PARP15: variants seen among roughly 807,000 people sequenced by gnomAD.
PARP15 encodes the protein poly(ADP-ribose) polymerase family member 15.
PARP15 carries 50 observed loss-of-function variants against 62.1 expected under a neutral mutation model. The ratio of observed to expected loss-of-function variants is 0.81; its 90% CI spans 0.64 to 1.02. The LOEUF (loss-of-function observed/expected upper bound fraction) is 1.02, where lower values mean the gene tolerates loss of function less well. PARP15 is among the 50% of genes least tolerant of loss of function. The probability of loss-of-function intolerance (pLI) is 0.00; values close to 1 mark genes in which losing one functional copy is unlikely to be tolerated. For synonymous variants in PARP15, 309 were observed against 293.1 expected, an observed-to-expected ratio of 1.05 and a Z score of -0.55; for missense variants, 820 against 826.5, an observed-to-expected ratio of 0.99 and a Z score of 0.10.
chr3:122,587,636 C>T (rs1290678538), intron 1 of PARP15, among the ~76,000 whole-genome samples: 1 of 152,154 alleles, frequency 6.6e-6, no homozygotes, highest in East Asian at 1.9e-4. Context: ...TCAAGTGATC[C>T]TTCCACCTCA....
In PARP15 at chr3:122,580,222, CT is replaced by C. The variant is rs1443159126; in HGVS notation, c.186+2371del. Among the ~76,000 whole-genome samples, 4 of 151,446 alleles carry C rather than the reference CT, an allele frequency of 2.6e-5. No individual in the cohort carries two copies. The East Asian group carries it at 7.7e-4, about 29-fold the overall frequency. On this transcript the variant is annotated intron_variant, in intron 1 of 11. Transcript: ENST00000464300. ...CATGTCCTTACTGATTTTATGTCTA[CT>C]TGTTCTATCAATTATTTAGAGAGGA... is the stretch of plus-strand genomic sequence containing the variant.
At position 122,610,634 on chromosome 3, in the gene PARP15, T is replaced by C. The variant is rs1198703050; in HGVS notation, c.447T>C (p.Gly149=). Residue 149 remains glycine (G), a synonymous_variant, in exon 3 of 12, where the codon GGT becomes GGC. Transcript: ENST00000464300. ...GGCGGGAAACAGAGGAAAAAGTAGG[T>C]AACATATTCATGACAAGCGGCTGCA... The part of the protein sequence containing the change: ...DRRRETEEKV[G]NIFMTSGCNL... The C allele has an allele frequency of 2.6e-6, 4 of 1,551,550 alleles. No homozygotes were observed. The East Asian group carries it at 7.3e-5, about 28-fold the overall frequency.
intron 1 of PARP15, among the ~76,000 whole-genome samples, chr3:122,601,170 C>T (rs1477485598): frequency 6.6e-6 from 1 of 150,684 alleles, no homozygotes; most frequent in Admixed American, 6.6e-5. Context: ...ACTACAGGTG[C>T]TTGCCACCAC....
chr3:122,613,008 C>T, intron 3 of PARP15, 33 bp from the exon 4 acceptor site: 4 of 1,521,340 alleles, frequency 2.6e-6, no homozygotes, highest in Non-Finnish European at 3.6e-6. Flanking sequence ...AGCTTAAGCC[C>T]TAACTTATGT....
At chr3:122,604,960 C>T (rs996451680) in intron 1 of PARP15, among the ~76,000 whole-genome samples, 3 of 152,182 alleles carry the variant, frequency 2.0e-5, no homozygotes, top group Admixed American at 6.5e-5. Flanking sequence ...CACTTGAATC[C>T]GGGAGGCAGA....
At chr3:122,584,555 A>G (rs1489415662) in intron 1 of PARP15, among the ~76,000 whole-genome samples, 2 of 147,398 alleles carry the variant, frequency 1.4e-5, no homozygotes, top group African/African-American at 5.0e-5. Context: ...TGTTAAGGAA[A>G]TATTCATCCA....
chr3:122,629,522 T>C (rs1475072578), intron 9 of PARP15, among the ~76,000 whole-genome samples: 1 of 152,154 alleles, frequency 6.6e-6, no homozygotes, highest in Non-Finnish European at 1.5e-5. Flanking sequence ...TTTAAAACAG[T>C]GGTCCCCAAA....
intron 8 of PARP15, among the ~76,000 whole-genome samples, chr3:122,622,816 T>TC (rs1936433915): frequency 6.6e-6 from 1 of 152,202 alleles, no homozygotes; most frequent in Admixed American, 6.5e-5. Context: ...CCCCTGTCAC[T>TC]CTCATGGAAG....
intron 2 of PARP15, among the ~76,000 whole-genome samples, chr3:122,607,708 T>C (rs1935249435): frequency 6.6e-6 from 1 of 152,222 alleles, no homozygotes; most frequent in Non-Finnish European, 1.5e-5. Context: ...TCGTGTCAAC[T>C]CATATTGGGG....
rs528733411 is a variant in PARP15, at chr3:122,637,480, C to T, written c.*1380C>T. Reference sequence around the variant, plus strand: ...GTAGCCTTTCAGATCCATCCCTTCCCTCCAGTATATTAGAGTTACGTAAAT... The same window carrying T: ...GTAGCCTTTCAGATCCATCCCTTCCTTCCAGTATATTAGAGTTACGTAAAT... On this transcript the variant is annotated 3_prime_UTR_variant, in exon 12 of 12. Coordinates refer to ENST00000464300, the MANE Select transcript of PARP15 (RefSeq NM_001113523.3). The T allele has an allele frequency of 8.5e-5, 13 of 152,270 alleles. No homozygotes were observed. Among genetic ancestry groups the T allele is most frequent in the African/African-American group, 2.6e-4 (11 of 41,542 alleles). 9.4% of individuals were successfully genotyped at this position (152,270 alleles called of 1,614,324 possible).
chr3:122,634,654 G>T (rs900748119), intron 10 of PARP15, among the ~76,000 whole-genome samples: 11 of 152,204 alleles, frequency 7.2e-5, no homozygotes, highest in African/African-American at 2.4e-4. Flanking sequence ...TTAAGGACAT[G>T]GCTATTGAAT....
Position 122,613,190 on chromosome 3 carries a change from T to C in PARP15, c.693T>C (p.Ser231=). The part of the protein sequence containing the change: ...KLILSEVFEY[S]SSTRPITSPL... ...TCCTTTCAGAAGTGTTCGAATACAG[T>C]AGCAGCACAAGGCCGATAACTAGCC... The change falls in exon 4 of 12, where the codon AGT becomes AGC. Residue 231 remains serine, a synonymous_variant. Transcript: ENST00000464300. The C allele has an allele frequency of 1.3e-6, 2 of 1,551,804 alleles. No individual in the cohort carries two copies. The highest frequency in any genetic ancestry group is 1.7e-6 in the Non-Finnish European group (2 of 1,146,954).
intron 1 of PARP15, among the ~76,000 whole-genome samples, chr3:122,578,063 T>A (rs2080721398): frequency 6.6e-6 from 1 of 151,552 alleles, no homozygotes; most frequent in Non-Finnish European, 1.5e-5. Context: ...TTTTTTTTTT[T>A]TTCCCTTAAA....
chr3:122,593,841 GA>G (rs796126867), intron 1 of PARP15, among the ~76,000 whole-genome samples: 181 of 148,156 alleles, frequency 1.2e-3, no homozygotes, highest in Admixed American at 2.8e-3. Flanking sequence ...AATCCTATAA[GA>G]AAAAAAAAAG....
intron 9 of PARP15, among the ~76,000 whole-genome samples, chr3:122,630,178 A>C (rs56768990): frequency 0.011 from 1,637 of 152,308 alleles, 22 homozygotes; most frequent in African/African-American, 0.037. Flanking sequence ...CTGCAAGTCA[A>C]CAGTGCTCCT....
At chr3:122,604,528 G>T (rs896596311) in intron 1 of PARP15, among the ~76,000 whole-genome samples, 1 of 152,206 alleles carries the variant, frequency 6.6e-6, no homozygotes, top group Non-Finnish European at 1.5e-5. Flanking sequence ...GACCAGCCTG[G>T]TCAACTTGGT....
intron 4 of PARP15, chr3:122,615,335 T>C: frequency 3.1e-6 from 4 of 1,291,526 alleles, no homozygotes; most frequent in Non-Finnish European, 4.0e-6. Flanking sequence ...GTATTTGTTG[T>C]TAATCAACCC....
chr3:122,583,393 C>T (rs11718654), intron 1 of PARP15, among the ~76,000 whole-genome samples: 18,508 of 151,872 alleles, frequency 0.12, 1,213 homozygotes, highest in East Asian at 0.22. Context: ...TCCCAAAGTG[C>T]TGGGATTACA....
chr3:122,626,927 A>G lies in PARP15; in HGVS notation c.1332A>G (p.Lys444=). The G allele has an allele frequency of 6.2e-7, 1 of 1,614,044 alleles. No individual in the cohort carries two copies. The highest frequency in any genetic ancestry group is 8.5e-7 in the Non-Finnish European group (1 of 1,179,970). ...QHSTPSLKTV[K]VVIFQPELLN... ...CCACCCCATCATTAAAAACAGTTAA[A>G]GTTGTCATTTTTCAACCTGAGCTGC... The change falls in exon 9 of 12, where the codon AAA becomes AAG. Residue 444 remains lysine (K), a synonymous_variant. Coordinates refer to ENST00000464300, the MANE Select transcript of PARP15 (RefSeq NM_001113523.3).
Sources: gnomAD v4.1 joint callset for allele counts (sites outside exome capture counted in the v4.1 genomes callset) on GRCh38, gnomAD v4.1.1 for gene constraint, MANE v1.5 for transcripts, NCBI Gene and HGNC (gene_info 2026-07-23, HGNC 2026-07-21) for gene names.